The following PCLO variants were observed in gnomAD, a reference collection of about 807,000 sequenced individuals.
PCLO encodes piccolo presynaptic cytomatrix protein.
PCLO carries 82 observed loss-of-function variants against 427.5 expected under a neutral mutation model. The ratio of observed to expected loss-of-function variants is 0.19; its 90% confidence interval spans 0.16 to 0.23. The LOEUF (loss-of-function observed/expected upper bound fraction) is 0.23. Among genes scored for constraint, PCLO ranks in the 10% least tolerant of loss-of-function variants. PCLO has a pLI of 1.00. For missense variants in PCLO, 6,239 were observed against 6,115.9 expected, an observed-to-expected ratio of 1.02 and a Z score of -0.67; for synonymous variants, 2,357 against 2,155.4, an observed-to-expected ratio of 1.09 and a Z score of -2.59.
chr7:82,831,546 A>G (rs1351664131), intron 16 of PCLO, among the ~76,000 whole-genome samples: 2 of 152,126 alleles, frequency 1.3e-5, no homozygotes, highest in African/African-American at 4.8e-5. Context: ...TGAATAGTAC[A>G]TCCGAAGTGA....
chr7:83,015,093 A>T (rs2044199489), intron 3 of PCLO, among the ~76,000 whole-genome samples: 2 of 152,278 alleles, frequency 1.3e-5, no homozygotes, highest in South Asian at 4.1e-4. Context: ...AAGATGACAC[A>T]GTCAGTAGAC....
At chr7:82,786,711 G>C (rs1264400424) in intron 22 of PCLO, among the ~76,000 whole-genome samples, 1 of 152,028 alleles carries the variant, frequency 6.6e-6, no homozygotes, top group Non-Finnish European at 1.5e-5. Context: ...ATCTACATTA[G>C]GTATTTCTCC....
chr7:82,864,227 C>T (rs1793036238), intron 10 of PCLO, among the ~76,000 whole-genome samples: 1 of 152,110 alleles, frequency 6.6e-6, no homozygotes, highest in South Asian at 2.1e-4. Flanking sequence ...TAAAACATCA[C>T]ATCAAGTCCA....
At chr7:83,160,684 A>G (rs1388195499) in intron 1 of PCLO, among the ~76,000 whole-genome samples, 2 of 152,164 alleles carry the variant, frequency 1.3e-5, no homozygotes, top group Non-Finnish European at 2.9e-5. Context: ...CAAATAGTGC[A>G]TGAAGCAACA....
intron 9 of PCLO, among the ~76,000 whole-genome samples, chr7:82,882,006 G>C (rs1027402483): frequency 6.6e-6 from 1 of 152,000 alleles, no homozygotes; most frequent in Non-Finnish European, 1.5e-5. Context: ...TTGAAGAATA[G>C]AACGTTAGAA....
At chr7:83,153,613 T>C (rs938203694) in intron 2 of PCLO, among the ~76,000 whole-genome samples, 1 of 152,204 alleles carries the variant, frequency 6.6e-6, no homozygotes, top group African/African-American at 2.4e-5. Flanking sequence ...GATAGCCCAC[T>C]AACAGCTGTC....
intron 22 of PCLO, among the ~76,000 whole-genome samples, chr7:82,794,426 T>A (rs1040706647): frequency 6.7e-6 from 1 of 149,126 alleles, no homozygotes; most frequent in African/African-American, 2.4e-5. Flanking sequence ...GAAAAGCCAT[T>A]GTTACTGACA....
chr7:82,971,741 C>CAT (rs113326490), intron 3 of PCLO, among the ~76,000 whole-genome samples: 10,530 of 142,110 alleles, frequency 0.074, 453 homozygotes, highest in East Asian at 0.2. Context: ...TTGTACCAAC[C>CAT]ATATATATAT....
At chr7:83,035,972 T>C (rs1039119950) in intron 3 of PCLO, among the ~76,000 whole-genome samples, 1 of 152,134 alleles carries the variant, frequency 6.6e-6, no homozygotes, top group Non-Finnish European at 1.5e-5. Flanking sequence ...ATCCAAAATA[T>C]TTTTATTTGA....
At chr7:83,023,865 T>C (rs76808350) in intron 3 of PCLO, among the ~76,000 whole-genome samples, 3,100 of 152,316 alleles carry the variant, frequency 0.02, 100 homozygotes, top group African/African-American at 0.07. Flanking sequence ...GCAAATCTTA[T>C]GGTTTCTCAA....
intron 4 of PCLO, among the ~76,000 whole-genome samples, chr7:82,961,776 C>T (rs887709394): frequency 1.3e-5 from 2 of 152,170 alleles, no homozygotes; most frequent in African/African-American, 4.8e-5. Flanking sequence ...GAGGCAACCA[C>T]TTCACTTGCT....
At chr7:83,124,916 G>A (rs1394876893) in intron 3 of PCLO, among the ~76,000 whole-genome samples, 1 of 152,126 alleles carries the variant, frequency 6.6e-6, no homozygotes, top group Non-Finnish European at 1.5e-5. Context: ...CGCCACGCCT[G>A]ACTGGTTTTT....
At chr7:83,141,373 T>C (rs895685209) in intron 2 of PCLO, among the ~76,000 whole-genome samples, 1 of 152,206 alleles carries the variant, frequency 6.6e-6, no homozygotes, top group Non-Finnish European at 1.5e-5. Flanking sequence ...GCTTTCCCTA[T>C]CTATAGCCTT....
intron 10 of PCLO, among the ~76,000 whole-genome samples, chr7:82,873,655 A>AT (rs1315043554): frequency 1.1e-4 from 16 of 152,262 alleles, no homozygotes; most frequent in Admixed American, 3.9e-4. Context: ...TTGAGTTGAG[A>AT]TTTTAACTTC....
At chr7:82,879,625 T>C (rs1793454447) in intron 9 of PCLO, among the ~76,000 whole-genome samples, 163 bp from the exon 10 acceptor site, 1 of 152,168 alleles carries the variant, frequency 6.6e-6, no homozygotes, top group East Asian at 1.9e-4. Context: ...CTGATTTTGA[T>C]AATATAAAAT....
At chr7:83,045,332 C>T (rs930893693) in intron 3 of PCLO, among the ~76,000 whole-genome samples, 52 of 152,134 alleles carry the variant, frequency 3.4e-4, no homozygotes, top group African/African-American at 1.2e-3. Context: ...TCCACGAATG[C>T]ACTTTCCTTA....
At chr7:82,905,782 C>T (rs945413186) in intron 8 of PCLO, among the ~76,000 whole-genome samples, 3 of 151,820 alleles carry the variant, frequency 2.0e-5, no homozygotes, top group African/African-American at 4.8e-5. Flanking sequence ...TACCTCAATG[C>T]AGCAGTTGGG....
At chr7:82,778,409 T>A (rs942463986) in intron 22 of PCLO, among the ~76,000 whole-genome samples, 2 of 152,180 alleles carry the variant, frequency 1.3e-5, no homozygotes, top group African/African-American at 4.8e-5. Flanking sequence ...GCAATCCTAT[T>A]ACTGGTATAT....
At chr7:82,764,975 T>C (rs889917753) in intron 22 of PCLO, among the ~76,000 whole-genome samples, 3 of 151,910 alleles carry the variant, frequency 2.0e-5, no homozygotes, top group African/African-American at 7.2e-5. Context: ...GAATATACCT[T>C]TTTCTTAATC....
Sources: gnomAD v4.1 joint callset for allele counts (sites outside exome capture counted in the v4.1 genomes callset) on GRCh38, gnomAD v4.1.1 for gene constraint, MANE v1.5 for transcripts, NCBI Gene and HGNC (gene_info 2026-07-23, HGNC 2026-07-21) for gene names.